The following GRIN2D variants were observed in gnomAD, a reference collection of about 807,000 sequenced individuals.
GRIN2D encodes glutamate receptor ionotropic, NMDA 2D.
In GRIN2D, 37 loss-of-function variants were observed where a neutral mutation model predicts 103.2. The observed-to-expected ratio is 0.36, with a 90% confidence interval of 0.28 to 0.47. The LOEUF is 0.47. Ranked by LOEUF, GRIN2D falls within the 20% of genes least tolerant of loss-of-function variation. The pLI is 1.00. For synonymous variants in GRIN2D, 845 were observed against 885.6 expected (o/e 0.95, Z 0.81); for missense variants, 1,557 against 1,910.6 (o/e 0.81, Z 3.45).
Position 48,415,045 on chromosome 19 carries a change from A to G in GRIN2D, c.1581+13A>G, listed in dbSNP as rs371689194. The G allele has an allele frequency of 1.3e-6, 2 of 1,564,612 alleles. No individual in the cohort carries two copies. The highest frequency in any genetic ancestry group is 1.7e-6 in the Non-Finnish European group (2 of 1,150,684). ...CATGATCGGGGAGGTGAGGGGGCGGACGGGAGGCGGGGAATCTTCGGGGCG... is the reference window on the plus strand; with the variant it reads ...CATGATCGGGGAGGTGAGGGGGCGGGCGGGAGGCGGGGAATCTTCGGGGCG... On this transcript the variant is annotated intron_variant, in intron 7 of 13. Transcript: ENST00000263269.
In GRIN2D at chr19:48,442,567, G is replaced by A. The variant is rs528124365; in HGVS notation, c.2674-33G>A. 3.4e-6 allele frequency: 5 copies of A among 1,480,908 alleles called. No individual in the cohort carries two copies. The African/African-American group carries it at 5.6e-5, about 17-fold the overall frequency. The allele number at this position is 1,480,908 out of a possible 1,614,324, so 91.7% of individuals were successfully genotyped here. On this transcript the variant is annotated intron_variant, in intron 13 of 13. Coordinates refer to ENST00000263269, the MANE Select transcript of GRIN2D (RefSeq NM_000836.4). This position sits in a 1 kb window ranked among gnomAD's most constrained non-coding sequence, Gnocchi z 7.2. ...GGCGGGCAGGCGTCCTGGGCATCTC[G>A]CGCTGACCCCCGTCCTGTCCCCGGA...
At chr19:48,420,993 T>C (rs1179002033) in intron 10 of GRIN2D, among the ~76,000 whole-genome samples, 1 of 152,214 alleles carries the variant, frequency 6.6e-6, no homozygotes, top group Non-Finnish European at 1.5e-5. Context: ...ACTTTGAGAC[T>C]AAAGTGATTA....
In GRIN2D at chr19:48,421,542, AACACCTGGC is replaced by A. The variant is rs1971023583; in HGVS notation, c.2092-239_2092-231del. Among the ~76,000 whole-genome samples, 1 of 152,126 alleles carries A rather than the reference AACACCTGGC, an allele frequency of 6.6e-6. No individual in the cohort carries two copies. The highest frequency in any genetic ancestry group is 2.4e-5 in the African/African-American group (1 of 41,418). ...CCCGCGATTCAGTAAGTGAAGACTTAACACCTGGCACATCAGGGGCCTCAGGGAGGCTTC... is the reference window on the plus strand; with the variant it reads ...CCCGCGATTCAGTAAGTGAAGACTTAACATCAGGGGCCTCAGGGAGGCTTC... On this transcript the variant is annotated intron_variant, in intron 10 of 13. Transcript: ENST00000263269. This position sits in a 1 kb window ranked among gnomAD's most constrained non-coding sequence, Gnocchi z 4.8.
chr19:48,421,909 C>T lies in GRIN2D; in HGVS notation c.2216C>T (p.Pro739Leu). ...AGCTACATGGTGCGCTACAACCAGC[C>T]CCGCGTAGAGGAAGCGCTCACTCAG... is the stretch of plus-strand genomic sequence containing the variant. ...MHSYMVRYNQ[P>L]RVEEALTQLK... The change falls in exon 11 of 14, where the codon CCC (proline) becomes CTC (leucine). Residue 739 changes from proline (P) to leucine (L), a missense_variant. By Grantham distance (98) the Pro-to-Leu change is moderately conservative. Transcript: ENST00000263269. This position sits in a 1 kb window ranked among gnomAD's most constrained non-coding sequence, Gnocchi z 4.8. 6.2e-7 allele frequency: 1 copy of T among 1,614,140 alleles called. No individual in the cohort carries two copies. The highest frequency in any genetic ancestry group is 8.5e-7 in the Non-Finnish European group (1 of 1,180,010).
In GRIN2D at chr19:48,414,881, C is replaced by T. The variant is rs1443280534; in HGVS notation, c.1430C>T (p.Pro477Leu). The stretch of plus-strand genomic sequence containing the variant: ...GCCCGCAGCCCTCCACCGGATGCCC[C>T]CCGCCCGGAAAAGCGCTGCTGCAAG... ...NRTHSPPPDA[P>L]RPEKRCCKGF... Residue 477 changes from proline to leucine, a missense_variant, in exon 7 of 14, where the codon CCC (proline) becomes CTC (leucine). Physicochemically the swap from Pro to Leu is moderately conservative, Grantham distance 98. Transcript: ENST00000263269. This position sits in a 1 kb window ranked among gnomAD's most constrained non-coding sequence, Gnocchi z 4.6. 1.2e-6 allele frequency: 2 copies of T among 1,614,042 alleles called. No individual in the cohort carries two copies. The highest frequency in any genetic ancestry group is 1.3e-5 in the African/African-American group (1 of 74,920).
In GRIN2D at chr19:48,397,478, T is replaced by C. The variant is rs549148749; in HGVS notation, c.-26-889T>C. 5.9e-5 allele frequency among the ~76,000 whole-genome samples: 9 copies of C among 152,154 alleles called. 1 individual carries two copies. The East Asian group carries it at 1.7e-3, about 29-fold the overall frequency. The stretch of plus-strand genomic sequence containing the variant: ...TTCTGTCCTCCTGTTTTCGCTCCGC[T>C]CTGCCTGCCTCCCTCAATCTCAATT... On this transcript the variant is annotated intron_variant, in intron 2 of 13. Transcript: ENST00000263269.
chr19:48,409,973 C>G (rs1441183802), intron 4 of GRIN2D, among the ~76,000 whole-genome samples: 1 of 147,848 alleles, frequency 6.8e-6, no homozygotes, highest in African/African-American at 2.5e-5. Flanking sequence ...TTAGTAGAGA[C>G]GGGGTTTCAC....
intron 11 of GRIN2D, among the ~76,000 whole-genome samples, chr19:48,425,617 C>T (rs1971077153): frequency 6.6e-6 from 1 of 152,108 alleles, no homozygotes; most frequent in Non-Finnish European, 1.5e-5. Context: ...CAAGACAGAC[C>T]AGCCCCATCT....
In GRIN2D at chr19:48,442,328, G is replaced by A. The variant is rs1569074549; in HGVS notation, c.2619G>A (p.Leu873=). The change falls in exon 13 of 14, where the codon CTG becomes CTA. Residue 873 remains leucine, a synonymous_variant. Transcript: ENST00000263269. The surrounding 1 kb of genome is among the most constrained non-coding windows in gnomAD (Gnocchi z 7.2). ...FAWEHLVYWR[L]RHCLGPTHRM... ...GGGAGCACCTGGTGTACTGGCGCCT[G>A]CGGCACTGCCTGGGGCCCACCCACC... 6.2e-7 allele frequency: 1 copy of A among 1,613,790 alleles called. No individual in the cohort carries two copies. Among genetic ancestry groups the A allele is most frequent in the Admixed American group, 1.7e-5 (1 of 60,000 alleles).
Position 48,443,119 on chromosome 19 carries a change from G to T in GRIN2D, c.3193G>T (p.Asp1065Tyr), listed in dbSNP as rs1304751925. ...PPAPARWPRS[D>Y]PESQPLLGPG... ...GGCGCCCGCGCGGTGGCCGCGCTCGGACCCCGAGAGCCAACCCCTGCTGGG... is the reference window on the plus strand; with the variant it reads ...GGCGCCCGCGCGGTGGCCGCGCTCGTACCCCGAGAGCCAACCCCTGCTGGG... The change falls in exon 14 of 14, where the codon GAC becomes TAC. Residue 1065 changes from aspartate (D) to tyrosine (Y), a missense_variant. Coordinates refer to ENST00000263269, the MANE Select transcript of GRIN2D (RefSeq NM_000836.4). The surrounding 1 kb of genome is among the most constrained non-coding windows in gnomAD (Gnocchi z 8.9). 1 of 1,014,146 alleles carries T rather than the reference G, an allele frequency of 9.9e-7. No homozygotes were observed. Among genetic ancestry groups the T allele is most frequent in the South Asian group, 3.8e-5 (1 of 26,082 alleles). 62.8% of individuals were successfully genotyped at this position (1,014,146 alleles called of 1,614,324 possible). A position where few individuals can be genotyped will look rare whatever the true frequency, so the allele number is the denominator to read the frequency against.
intron 3 of GRIN2D, among the ~76,000 whole-genome samples, chr19:48,400,690 T>C (rs560749374): frequency 6.6e-6 from 1 of 152,304 alleles, no homozygotes; most frequent in Non-Finnish European, 1.5e-5. Flanking sequence ...GCTCCATCTG[T>C]GCCCCACTGA....
In GRIN2D at chr19:48,424,242, C is replaced by A. The variant is rs572457225; in HGVS notation, c.2252+2297C>A. Among the ~76,000 whole-genome samples the A allele has an allele frequency of 5.3e-3, 771 of 146,600 alleles. 6 individuals are homozygous for A. Among genetic ancestry groups the A allele is most frequent in the Non-Finnish European group, 5.8e-3 (394 of 67,650 alleles). On this transcript the variant is annotated intron_variant, in intron 11 of 13. Coordinates refer to ENST00000263269, the MANE Select transcript of GRIN2D (RefSeq NM_000836.4). ...ACCAGCCTGTGAAACATAGTGAGAC[C>A]CCCTTGACTCACAAAAAAAAAAATT...
intron 8 of GRIN2D, among the ~76,000 whole-genome samples, chr19:48,417,582 G>A (rs774570469): frequency 5.1e-4 from 77 of 152,112 alleles, no homozygotes; most frequent in Non-Finnish European, 8.7e-4. Context: ...TGTTTATTTC[G>A]CCCAGTGGTG....
chr19:48,394,316 A>AG lies in GRIN2D; in HGVS notation c.-305-335dup, dbSNP rs142765034. On this transcript the variant is annotated intron_variant, in intron 1 of 13. Transcript: ENST00000263269. This position sits in a 1 kb window ranked among gnomAD's most constrained non-coding sequence, Gnocchi z 5.1. ...CCTGTGTTTGAGAGTGGGGGAGTCAAGGGGGGGTCTAGAGGTGGCCAAGCG... is the reference window on the plus strand; with the variant it reads ...CCTGTGTTTGAGAGTGGGGGAGTCAAGGGGGGGGTCTAGAGGTGGCCAAGCG... 7.3e-5 allele frequency among the ~76,000 whole-genome samples: 11 copies of AG among 150,620 alleles called. No homozygotes were observed. The highest frequency in any genetic ancestry group is 5.3e-4 in the Admixed American group (8 of 15,128).
rs1182165413 is a variant in GRIN2D at position 48,394,336 on chromosome 19, C to T, written c.-305-322C>T. ...AGTCAAGGGGGGGTCTAGAGGTGGC[C>T]AAGCGAGGAAGGGGCAAGCAGTTCC... On this transcript the variant is annotated intron_variant, in intron 1 of 13. Transcript: ENST00000263269. The surrounding 1 kb of genome is among the most constrained non-coding windows in gnomAD (Gnocchi z 5.1). Among the ~76,000 whole-genome samples, 1 of 151,056 alleles carries T rather than the reference C, an allele frequency of 6.6e-6. No homozygotes were observed. The highest frequency in any genetic ancestry group is 6.6e-5 in the Admixed American group (1 of 15,114).
At chr19:48,430,381 T>G (rs1971140384) in intron 11 of GRIN2D, among the ~76,000 whole-genome samples, 1 of 152,186 alleles carries the variant, frequency 6.6e-6, no homozygotes, top group Non-Finnish European at 1.5e-5. Flanking sequence ...GTAATTTTAG[T>G]AGAGGTGGGG....
rs966146520 is a variant in GRIN2D at position 48,394,591 on chromosome 19, C to T, written c.-305-67C>T. Among the ~76,000 whole-genome samples the T allele has an allele frequency of 4.6e-5, 7 of 151,986 alleles. No individual in the cohort carries two copies. The East Asian group carries it at 7.8e-4, about 17-fold the overall frequency. On this transcript the variant is annotated intron_variant, in intron 1 of 13. Transcript: ENST00000263269. This position sits in a 1 kb window ranked among gnomAD's most constrained non-coding sequence, Gnocchi z 5.1. ...ACCCCGGGTGGGCGGAGGGGGGATCCCCACGGGGTCGGGGCGGCAAGAGGA... is the reference window on the plus strand; with the variant it reads ...ACCCCGGGTGGGCGGAGGGGGGATCTCCACGGGGTCGGGGCGGCAAGAGGA...
chr19:48,442,500 AAC>A lies in GRIN2D; in HGVS notation c.2674-96_2674-95del. 6.6e-7 allele frequency: 1 copy of A among 1,504,182 alleles called. No individual in the cohort carries two copies. The highest frequency in any genetic ancestry group is 8.9e-7 in the Non-Finnish European group (1 of 1,128,520). The allele number at this position is 1,504,182 out of a possible 1,614,324, so 93.2% of individuals were successfully genotyped here. ...GTGGATAGTGGGGAAGAGAGCGGGA[AAC>A]ACAGGCGGGTAAATGGAGAGGAGAG... is the stretch of plus-strand genomic sequence containing the variant. On this transcript the variant is annotated intron_variant, in intron 13 of 13. Coordinates refer to ENST00000263269, the MANE Select transcript of GRIN2D (RefSeq NM_000836.4). This position sits in a 1 kb window ranked among gnomAD's most constrained non-coding sequence, Gnocchi z 7.2.
Position 48,443,522 on chromosome 19 carries a change from A to G in GRIN2D, c.3596A>G (p.His1199Arg). Residue 1199 changes from histidine to arginine, a missense_variant, in exon 14 of 14, where the codon CAC becomes CGC. Physicochemically the swap from His to Arg is conservative, Grantham distance 29 (BLOSUM62 0). This residue lies in a region of GRIN2D where 632 missense variants were observed against 572.8 expected (regional missense o/e 1.10). Coordinates refer to ENST00000263269, the MANE Select transcript of GRIN2D (RefSeq NM_000836.4). The surrounding 1 kb of genome is among the most constrained non-coding windows in gnomAD (Gnocchi z 8.9). ...CCGCCGCGCCATCTCAGCTGCTCGC[A>G]CGATGGCCTGGACGGCGGCTGGTGG... ...LPPPRHLSCS[H>R]DGLDGGWWAP... 1 of 1,330,908 alleles carries G rather than the reference A, an allele frequency of 7.5e-7. No individual in the cohort carries two copies. Among genetic ancestry groups the G allele is most frequent in the Non-Finnish European group, 9.6e-7 (1 of 1,041,508 alleles). 82.4% of individuals were successfully genotyped at this position (1,330,908 alleles called of 1,614,324 possible).
Sources: gnomAD v4.1 joint callset for allele counts (sites outside exome capture counted in the v4.1 genomes callset) on GRCh38, gnomAD v4.1.1 for gene constraint, gnomAD v4.1.1 regional missense constraint, Gnocchi (gnomAD v3.1) non-coding constraint, MANE v1.5 for transcripts, NCBI Gene and HGNC (gene_info 2026-07-23, HGNC 2026-07-21) for gene names.